The following MCC variants were observed in gnomAD, a reference collection of about 807,000 sequenced individuals.
MCC encodes colorectal mutant cancer protein.
A neutral mutation model predicts 116.2 loss-of-function variants in MCC; 90 were observed. The ratio of observed to expected loss-of-function variants is 0.77; its 90% confidence interval spans 0.65 to 0.92. The LOEUF (loss-of-function observed/expected upper bound fraction) is 0.92. MCC is among the 40% of genes least tolerant of loss of function. The pLI is 0.00. For missense variants in MCC, 1,516 were observed against 1,312.2 expected, an observed-to-expected ratio of 1.16 and a Z score of -2.40; for synonymous variants, 578 against 510.5, an observed-to-expected ratio of 1.13 and a Z score of -1.78.
chr5:113,082,483 C>G (rs941278865), intron 11 of MCC, among the ~76,000 whole-genome samples: 1 of 152,218 alleles, frequency 6.6e-6, no homozygotes, highest in East Asian at 1.9e-4. Flanking sequence ...CCACCTGTGA[C>G]CTACTTGCCA....
Position 113,089,511 on chromosome 5 carries a change from C to T in MCC, c.1399-4201G>A, listed in dbSNP as rs556607573. ...TGGTTCAGATAGGAAATTATGAGGG[C>T]TCAAATACAGTCAGCGAAGTGGGAA... is the stretch of plus-strand genomic sequence containing the variant. On this transcript the variant is annotated intron_variant, in intron 8 of 18. Coordinates refer to ENST00000408903, the MANE Select transcript of MCC (RefSeq NM_001085377.2). Among the ~76,000 whole-genome samples, 30 of 152,274 alleles carry T rather than the reference C, an allele frequency of 2.0e-4. 1 individual carries two copies. The highest frequency in any genetic ancestry group is 6.7e-4 in the African/African-American group (28 of 41,540).
intron 3 of MCC, among the ~76,000 whole-genome samples, chr5:113,240,294 C>A (rs940035339): frequency 6.6e-6 from 1 of 152,080 alleles, no homozygotes; most frequent in African/African-American, 2.4e-5. Flanking sequence ...AGGATCTAGC[C>A]ATGGGTAAGT....
At chr5:113,123,439 A>G (rs1757851378) in intron 5 of MCC, among the ~76,000 whole-genome samples, 1 of 152,248 alleles carries the variant, frequency 6.6e-6, no homozygotes. Flanking sequence ...TGAGGAGAAA[A>G]CAGAACACTG....
intron 3 of MCC, among the ~76,000 whole-genome samples, chr5:113,328,456 T>C (rs569389426): frequency 6.6e-6 from 1 of 152,328 alleles, no homozygotes; most frequent in Admixed American, 6.5e-5. Context: ...ACTGAGAAGT[T>C]AATGTGGGAT....
At chr5:113,169,270 A>G (rs1023738511) in intron 3 of MCC, among the ~76,000 whole-genome samples, 1 of 152,218 alleles carries the variant, frequency 6.6e-6, no homozygotes, top group Non-Finnish European at 1.5e-5. Context: ...TTAATTCTAA[A>G]GGAAGCCAAG....
chr5:113,116,323 G>C (rs1041384101), intron 6 of MCC, among the ~76,000 whole-genome samples: 1 of 152,110 alleles, frequency 6.6e-6, no homozygotes, highest in Non-Finnish European at 1.5e-5. Context: ...CTGGGGATGC[G>C]GTAACAACAC....
At chr5:113,108,585 G>A (rs1756893274) in intron 6 of MCC, among the ~76,000 whole-genome samples, 1 of 151,242 alleles carries the variant, frequency 6.6e-6, no homozygotes, top group African/African-American at 2.4e-5. Flanking sequence ...TCCGGCAGGT[G>A]GAGGTTGCAG....
rs931345151 is a variant in MCC, at chr5:113,023,178, T to C, written c.*4124A>G. ...AATTTCAGGTGTGTTAAACAGGAGA[T>C]GCTTCTGAAGGCCACAAGTTTGGAG... On this transcript the variant is annotated 3_prime_UTR_variant, in exon 19 of 19. Transcript: ENST00000408903. 3.3e-5 allele frequency: 5 copies of C among 152,356 alleles called. No homozygotes were observed. Among genetic ancestry groups the C allele is most frequent in the Admixed American group, 1.3e-4 (2 of 15,298 alleles). 9.4% of individuals were successfully genotyped at this position (152,356 alleles called of 1,614,324 possible).
At chr5:113,166,998 G>T (rs1454305235) in intron 3 of MCC, among the ~76,000 whole-genome samples, 1 of 152,142 alleles carries the variant, frequency 6.6e-6, no homozygotes, top group Non-Finnish European at 1.5e-5. Context: ...GATGGCTGTG[G>T]AATTACTCTC....
intron 1 of MCC, among the ~76,000 whole-genome samples, chr5:113,445,921 A>C (rs1771202001): frequency 6.6e-6 from 1 of 152,164 alleles, no homozygotes; most frequent in Non-Finnish European, 1.5e-5. Context: ...AATAGAACAA[A>C]ATACAGTACC....
At chr5:113,374,237 A>G (rs1768924372) in intron 2 of MCC, among the ~76,000 whole-genome samples, 1 of 151,208 alleles carries the variant, frequency 6.6e-6, no homozygotes, top group Non-Finnish European at 1.5e-5. Flanking sequence ...TTAATAGCAA[A>G]GCCATTGCAA....
chr5:113,242,276 T>C (rs67373655), intron 3 of MCC, among the ~76,000 whole-genome samples: 24,284 of 152,198 alleles, frequency 0.16, 2,283 homozygotes, highest in Admixed American at 0.29. Context: ...TTCAGTGATA[T>C]GTTACAAGGC....
chr5:113,392,144 T>A (rs993397926), intron 1 of MCC, among the ~76,000 whole-genome samples: 1 of 151,898 alleles, frequency 6.6e-6, no homozygotes, highest in African/African-American at 2.4e-5. Flanking sequence ...GAAGGGAGGA[T>A]GCCTTGAGGC....
chr5:113,239,501 A>G (rs936735665), intron 3 of MCC, among the ~76,000 whole-genome samples: 2 of 152,036 alleles, frequency 1.3e-5, no homozygotes, highest in Admixed American at 1.3e-4. Context: ...ATACATTTTT[A>G]AAGGGTTTCA....
intron 3 of MCC, among the ~76,000 whole-genome samples, chr5:113,207,101 A>C (rs1293369040): frequency 6.6e-6 from 1 of 152,176 alleles, no homozygotes; most frequent in African/African-American, 2.4e-5. Flanking sequence ...AGTTTTTTCC[A>C]AAGAGCTGGC....
At chr5:113,055,432 A>T (rs1323041661) in intron 14 of MCC, among the ~76,000 whole-genome samples, 4 of 152,210 alleles carry the variant, frequency 2.6e-5, no homozygotes, top group African/African-American at 9.6e-5. Flanking sequence ...ACACATTGCT[A>T]CGAAGACAAG....
chr5:113,126,061 G>A (rs959095467), intron 5 of MCC, among the ~76,000 whole-genome samples: 2 of 152,150 alleles, frequency 1.3e-5, no homozygotes, highest in Non-Finnish European at 2.9e-5. Flanking sequence ...AAGTTCTCAG[G>A]TGTTTCTCCT....
In MCC at chr5:113,122,792, G is replaced by T; in HGVS notation, c.919C>A (p.Leu307Ile). The T allele has an allele frequency of 6.2e-7, 1 of 1,614,172 alleles. No homozygotes were observed. The highest frequency in any genetic ancestry group is 8.5e-7 in the Non-Finnish European group (1 of 1,180,014). ...EDEYSELRSE[L>I]SQSQHEVNED... ...TTGACCTCGTGTTGGCTCTGGCTGA[G>T]TTCTGATCGCAGTTCTGAGTACTCA... Residue 307 changes from leucine (L) to isoleucine (I), a missense_variant, in exon 6 of 19, where the codon CTC becomes ATC. Transcript: ENST00000408903.
chr5:113,067,507 T>C (rs868832361), intron 13 of MCC, among the ~76,000 whole-genome samples: 1 of 152,118 alleles, frequency 6.6e-6, no homozygotes, highest in African/African-American at 2.4e-5. Context: ...CGTGGTGGCA[T>C]GTGCCTGTAA....
Sources: allele counts gnomAD v4.1 joint callset (sites outside exome capture counted in the v4.1 genomes callset), GRCh38; gene constraint gnomAD v4.1.1; transcripts MANE v1.5; gene names NCBI Gene and HGNC (gene_info 2026-07-23, HGNC 2026-07-21).